The following SZT2 variants were observed in gnomAD, a reference collection of about 807,000 sequenced individuals.
SZT2 encodes the protein KICSTOR complex protein SZT2.
Under a neutral mutation model 404.2 loss-of-function variants are expected in SZT2, and 216 were observed. The observed-to-expected ratio is 0.53, with a 90% CI of 0.48 to 0.60. The LOEUF is 0.60. Ranked by LOEUF, SZT2 falls within the 20% of genes least tolerant of loss-of-function variation. The pLI is 0.00. For synonymous variants in SZT2, 1,693 were observed against 1,749.9 expected, an observed-to-expected ratio of 0.97 and a Z score of 0.81; for missense variants, 3,857 against 4,459.2, an observed-to-expected ratio of 0.86 and a Z score of 3.85.
chr1:43,405,427 G>C (rs1650186719), intron 4 of SZT2: 1 of 152,190 alleles, frequency 6.6e-6, no homozygotes, highest in South Asian at 2.1e-4. Context: ...TCCTTTTGGA[G>C]AATGGCCAAG....
intron 62 of SZT2, 166 bp from the exon 63 acceptor site, chr1:43,445,728 T>C: frequency 1.4e-6 from 1 of 703,526 alleles, no homozygotes; most frequent in Admixed American, 2.1e-5. Context: ...AGCCTTGCAG[T>C]CTAGACCTGG....
At chr1:43,446,055 G>GACCCTGGGTCATTGACCC in intron 63 of SZT2, 71 bp downstream of exon 63, 3 of 1,591,956 alleles carry the variant, frequency 1.9e-6, no homozygotes, top group Non-Finnish European at 1.7e-6. Context: ...CATTGACCCT[G>GACCCTGGGTCATTGACCC]AGTGATGTAC....
At position 43,441,413 on chromosome 1, in the gene SZT2, G is replaced by A; in HGVS notation, c.7511+33G>A. 4 of 1,612,428 alleles carry A rather than the reference G, an allele frequency of 2.5e-6. No homozygotes were observed. The highest frequency in any genetic ancestry group is 1.1e-5 in the South Asian group (1 of 90,862). On this transcript the variant is annotated intron_variant, in intron 53 of 71. Transcript: ENST00000634258. The surrounding 1 kb of genome is among the most constrained non-coding windows in gnomAD (Gnocchi z 4.8). Reference sequence around the variant, plus strand: ...TGTGGTGGTGGTGTGCCCTGGGAGGGTATGGGTGTGAAGTCACAGATGGGC... The same window carrying A: ...TGTGGTGGTGGTGTGCCCTGGGAGGATATGGGTGTGAAGTCACAGATGGGC...
At position 43,442,632 on chromosome 1, in the gene SZT2, T is replaced by C. The variant is rs1479135627; in HGVS notation, c.8151+14T>C. 2 of 1,586,410 alleles carry C rather than the reference T, an allele frequency of 1.3e-6. No individual in the cohort carries two copies. The highest frequency in any genetic ancestry group is 1.7e-6 in the Non-Finnish European group (2 of 1,165,164). ...CGAGATGAAAAGGTGCCTGCTGCTC[T>C]GGTTCTTCCTATAGTTTTGGCTACT... On this transcript the variant is annotated intron_variant, in intron 58 of 71. Coordinates refer to ENST00000634258, the MANE Select transcript of SZT2 (RefSeq NM_001365999.1). The surrounding 1 kb of genome is among the most constrained non-coding windows in gnomAD (Gnocchi z 4.5).
intron 1 of SZT2, among the ~76,000 whole-genome samples, chr1:43,402,200 G>C (rs886918030): frequency 6.6e-6 from 1 of 152,224 alleles, no homozygotes; most frequent in South Asian, 2.1e-4. Flanking sequence ...GACACAGGAG[G>C]AGAAATTTGC....
Position 43,446,432 on chromosome 1 carries a change from G to A in SZT2, c.9072+16G>A, listed in dbSNP as rs546976985. The stretch of plus-strand genomic sequence containing the variant: ...CAACTCACAGGTATGTGAATGAGCT[G>A]CGGGCACAGTCAGTGCACCCCAGTG... On this transcript the variant is annotated intron_variant, in intron 65 of 71. Transcript: ENST00000634258. 4.3e-6 allele frequency: 7 copies of A among 1,614,116 alleles called. No homozygotes were observed. The highest frequency in any genetic ancestry group is 1.3e-5 in the African/African-American group (1 of 74,954).
In SZT2 at chr1:43,441,234, T is replaced by C; in HGVS notation, c.7365T>C (p.Asp2455=). The part of the protein sequence containing the change: ...WDMLSKTECG[D]LGSPKTTDDI... ...CCCAGAGTAAAACAGAATGTGGGGA[T>C]TTGGGTTCCCCCAAAACAACTGATG... The change falls in exon 53 of 72, where the codon GAT becomes GAC. Residue 2455 remains aspartate (D), a synonymous_variant. Coordinates refer to ENST00000634258, the MANE Select transcript of SZT2 (RefSeq NM_001365999.1). This position sits in a 1 kb window ranked among gnomAD's most constrained non-coding sequence, Gnocchi z 4.8. The C allele has an allele frequency of 6.2e-7, 1 of 1,614,146 alleles. No individual in the cohort carries two copies. Among genetic ancestry groups the C allele is most frequent in the East Asian group, 2.2e-5 (1 of 44,880 alleles).
chr1:43,407,997 T>C (rs1035333015), intron 4 of SZT2, among the ~76,000 whole-genome samples: 1 of 151,888 alleles, frequency 6.6e-6, no homozygotes, highest in Non-Finnish European at 1.5e-5. Context: ...CACGCCCGGC[T>C]AATTTTTTGT....
chr1:43,409,395 AAGAG>A (rs1650733085), intron 4 of SZT2: 9 of 283,408 alleles, frequency 3.2e-5, no homozygotes, highest in South Asian at 2.7e-4. Flanking sequence ...TTGAGCGTAA[AAGAG>A]AGAAAAGTGA....
At chr1:43,415,343 G>C in intron 5 of SZT2, 130 bp downstream of exon 5, 1 of 1,130,468 alleles carries the variant, frequency 8.8e-7, no homozygotes, top group Non-Finnish European at 1.2e-6. Context: ...GACAAGGATA[G>C]GCATGCTCAT....
At position 43,424,415 on chromosome 1, in the gene SZT2, C is replaced by T. The variant is rs1302097024; in HGVS notation, c.2454C>T (p.Leu818=). ...PALPLSAIAQ[L]LSILTEVRLS... ...TGCCTCTCAGTGCCATTGCCCAGCT[C>T]CTCTCCATCCTCACTGAGTATGTCA... Residue 818 remains leucine, a synonymous_variant, in exon 16 of 72, where the codon CTC becomes CTT. Coordinates refer to ENST00000634258, the MANE Select transcript of SZT2 (RefSeq NM_001365999.1). The surrounding 1 kb of genome is among the most constrained non-coding windows in gnomAD (Gnocchi z 4.1). 1 of 1,597,812 alleles carries T rather than the reference C, an allele frequency of 6.3e-7. No homozygotes were observed. The highest frequency in any genetic ancestry group is 1.1e-5 in the South Asian group (1 of 91,060).
Position 43,451,938 on chromosome 1 carries a change from G to GC in SZT2, c.*1459dup. 4 of 1,612,478 alleles carry GC rather than the reference G, an allele frequency of 2.5e-6. No homozygotes were observed. Among genetic ancestry groups the GC allele is most frequent in the Non-Finnish European group, 3.4e-6 (4 of 1,178,756 alleles). On this transcript the variant is annotated 3_prime_UTR_variant, in exon 72 of 72. Transcript: ENST00000634258. ...AGAGACAGGGCTGGGGTCGTACCCT[G>GC]CTGGGGCGTGTCCAGGAAGTACTGG...
chr1:43,453,801 G>T lies in SZT2; in HGVS notation c.*3321G>T. The T allele has an allele frequency of 7.9e-7, 1 of 1,264,110 alleles. No individual in the cohort carries two copies. The highest frequency in any genetic ancestry group is 9.9e-7 in the Non-Finnish European group (1 of 1,007,550). 78.3% of individuals were successfully genotyped at this position (1,264,110 alleles called of 1,614,324 possible). ...GAAGCGCAGCGGCGCCATGCCTGGGGAGGCCGGGCCGGGCGGAGTCCGCGG... is the reference window on the plus strand; with the variant it reads ...GAAGCGCAGCGGCGCCATGCCTGGGTAGGCCGGGCCGGGCGGAGTCCGCGG... On this transcript the variant is annotated 3_prime_UTR_variant, in exon 72 of 72. Coordinates refer to ENST00000634258, the MANE Select transcript of SZT2 (RefSeq NM_001365999.1).
Position 43,452,573 on chromosome 1 carries a change from G to A in SZT2, c.*2093G>A, listed in dbSNP as rs916773427. 6.5e-6 allele frequency: 4 copies of A among 611,212 alleles called. No individual in the cohort carries two copies. Among genetic ancestry groups the A allele is most frequent in the East Asian group, 2.8e-5 (1 of 35,834 alleles). 37.9% of individuals were successfully genotyped at this position (611,212 alleles called of 1,614,324 possible). On this transcript the variant is annotated 3_prime_UTR_variant, in exon 72 of 72. Transcript: ENST00000634258. ...ACTTTCCAAAACCTTTCCTTCCCTC[G>A]GTCCTTCTCCGCAACCTGTAACCTG... is the stretch of plus-strand genomic sequence containing the variant.
Position 43,441,247 on chromosome 1 carries a change from A to G in SZT2, c.7378A>G (p.Lys2460Glu). The change falls in exon 53 of 72, where the codon AAA (lysine) becomes GAA (glutamate). Residue 2460 changes from lysine (K) to glutamate (E), a missense_variant. Transcript: ENST00000634258. This position sits in a 1 kb window ranked among gnomAD's most constrained non-coding sequence, Gnocchi z 4.8. ...KTECGDLGSP[K>E]TTDDIVLDRP... ...AGAATGTGGGGATTTGGGTTCCCCC[A>G]AAACAACTGATGACATTGTCCTGGA... 6.2e-7 allele frequency: 1 copy of G among 1,614,196 alleles called. No individual in the cohort carries two copies. The highest frequency in any genetic ancestry group is 1.1e-5 in the South Asian group (1 of 91,088).
In SZT2 at chr1:43,450,232, C is replaced by A; in HGVS notation, c.10155+61C>A. Reference sequence around the variant, plus strand: ...GGGAGGCCGTACCCCAAATGCTCCACCTCGGAGCCTGCTGAGGTTGGGGTG... The same window carrying A: ...GGGAGGCCGTACCCCAAATGCTCCAACTCGGAGCCTGCTGAGGTTGGGGTG... On this transcript the variant is annotated intron_variant, in intron 71 of 71. Transcript: ENST00000634258. The surrounding 1 kb of genome is among the most constrained non-coding windows in gnomAD (Gnocchi z 4.3). 1 of 1,613,462 alleles carries A rather than the reference C, an allele frequency of 6.2e-7. No individual in the cohort carries two copies. Among genetic ancestry groups the A allele is most frequent in the Non-Finnish European group, 8.5e-7 (1 of 1,179,408 alleles).
At position 43,430,649 on chromosome 1, in the gene SZT2, G is replaced by T; in HGVS notation, c.4634G>T (p.Ser1545Ile). 6.2e-7 allele frequency: 1 copy of T among 1,614,160 alleles called. No individual in the cohort carries two copies. The highest frequency in any genetic ancestry group is 8.5e-7 in the Non-Finnish European group (1 of 1,180,026). Residue 1545 changes from serine to isoleucine, a missense_variant, in exon 32 of 72, where the codon AGT becomes ATT. Ser to Ile is a moderately radical substitution (Grantham distance 142, BLOSUM62 -2). Coordinates refer to ENST00000634258, the MANE Select transcript of SZT2 (RefSeq NM_001365999.1). The part of the protein sequence containing the change: ...DTVNPDEDSF[S>I]ILGGDSPTGP... ...GTGAATCCTGATGAAGACTCCTTCA[G>T]TATCTTGGGGGGCGACTCACCCACT...
In SZT2 at chr1:43,449,922, A is replaced by C. The variant is rs557204994; in HGVS notation, c.10087-181A>C. ...CTGATGCAGCTCAGACAGGCTGACC[A>C]GCAAGCCAGCGAGGATGAGGACTGA... On this transcript the variant is annotated intron_variant, in intron 70 of 71. Coordinates refer to ENST00000634258, the MANE Select transcript of SZT2 (RefSeq NM_001365999.1). 82 of 695,638 alleles carry C rather than the reference A, an allele frequency of 1.2e-4. No individual in the cohort carries two copies. The East Asian group carries it at 1.9e-3, about 16-fold the overall frequency. 43.1% of individuals were successfully genotyped at this position (695,638 alleles called of 1,614,324 possible). A position where few individuals can be genotyped will look rare whatever the true frequency, so the allele number is the denominator to read the frequency against.
chr1:43,416,810 T>C (rs1651771572), intron 7 of SZT2, among the ~76,000 whole-genome samples, 169 bp downstream of exon 7: 1 of 152,230 alleles, frequency 6.6e-6, no homozygotes, highest in Admixed American at 6.5e-5. Flanking sequence ...GAGAGGACTC[T>C]TATTTTTTTC....
Sources: gnomAD v4.1 joint callset for allele counts (sites outside exome capture counted in the v4.1 genomes callset) on GRCh38, gnomAD v4.1.1 for gene constraint, Gnocchi (gnomAD v3.1) non-coding constraint, MANE v1.5 for transcripts, NCBI Gene and HGNC (gene_info 2026-07-23, HGNC 2026-07-21) for gene names.